The following SCUBE1 variants were observed in gnomAD, a reference collection of about 807,000 sequenced individuals.
SCUBE1 encodes signal peptide, CUB and EGF-like domain-containing protein 1.
A neutral mutation model predicts 124.4 loss-of-function variants in SCUBE1; 59 were observed. The observed-to-expected ratio is 0.47, with a 90% CI of 0.38 to 0.59. SCUBE1 has a LOEUF of 0.59. Among genes scored for constraint, SCUBE1 ranks in the 20% least tolerant of loss-of-function variants. The pLI, the probability that SCUBE1 is intolerant of heterozygous loss-of-function variation, is 0.00. For synonymous variants in SCUBE1, 545 were observed against 550.9 expected (o/e 0.99, Z 0.15); for missense variants, 1,150 against 1,371.2 (o/e 0.84, Z 2.55).
chr22:43,337,164 A>G (rs150492601), intron 2 of SCUBE1, among the ~76,000 whole-genome samples: 17 of 152,282 alleles, frequency 1.1e-4, no homozygotes, highest in African/African-American at 4.1e-4. Context: ...AGCAGGTGAG[A>G]ACATGAAGCC....
chr22:43,257,755 A>G (rs1459939190), intron 6 of SCUBE1, among the ~76,000 whole-genome samples: 1 of 152,202 alleles, frequency 6.6e-6, no homozygotes, highest in Non-Finnish European at 1.5e-5. Flanking sequence ...AGTTTTCCAG[A>G]CGGCTGTGGG....
intron 14 of SCUBE1, among the ~76,000 whole-genome samples, chr22:43,219,409 A>G (rs1921983565): frequency 1.3e-5 from 2 of 152,084 alleles, no homozygotes; most frequent in Admixed American, 6.5e-5. Flanking sequence ...GAGAGCCAAT[A>G]AGCTCTTTTC....
chr22:43,228,936 G>C, intron 9 of SCUBE1, 136 bp downstream of exon 9: 4 of 666,316 alleles, frequency 6.0e-6, no homozygotes, highest in Non-Finnish European at 2.7e-6. Flanking sequence ...CCTCTGCCCA[G>C]GAGTCCCCAT....
At chr22:43,240,540 G>A (rs1469569387) in intron 6 of SCUBE1, among the ~76,000 whole-genome samples, 9 of 152,242 alleles carry the variant, frequency 5.9e-5, no homozygotes, top group Admixed American at 5.9e-4. Flanking sequence ...TACTGGGACA[G>A]TGGAGGTGGG....
chr22:43,233,358 C>G (rs141647992), intron 7 of SCUBE1: 11 of 152,344 alleles, frequency 7.2e-5, no homozygotes, highest in African/African-American at 2.6e-4. Flanking sequence ...GAGTAAAACT[C>G]CATCTCAAAC....
intron 3 of SCUBE1, among the ~76,000 whole-genome samples, chr22:43,316,339 G>A (rs78340870): frequency 0.034 from 5,126 of 152,284 alleles, 216 homozygotes; most frequent in African/African-American, 0.098. Flanking sequence ...TGGCCGCTGG[G>A]TGATATTGCC....
At chr22:43,228,859 C>A (rs937490566) in intron 9 of SCUBE1, among the ~76,000 whole-genome samples, 1 of 152,264 alleles carries the variant, frequency 6.6e-6, no homozygotes, top group Non-Finnish European at 1.5e-5. Flanking sequence ...GACCTGCTAC[C>A]CACCTCTAAC....
intron 3 of SCUBE1, among the ~76,000 whole-genome samples, chr22:43,291,448 C>T (rs542270005): frequency 4.9e-4 from 74 of 151,660 alleles, no homozygotes; most frequent in African/African-American, 1.2e-3. Context: ...TATAGTGGTA[C>T]GGAGGGTCTC....
At chr22:43,251,048 G>T (rs955986784) in intron 6 of SCUBE1, among the ~76,000 whole-genome samples, 1 of 152,206 alleles carries the variant, frequency 6.6e-6, no homozygotes, top group Non-Finnish European at 1.5e-5. Context: ...GCCTCCCAGG[G>T]CTGTGGGGGA....
chr22:43,324,315 A>G (rs1926652951), intron 2 of SCUBE1, among the ~76,000 whole-genome samples: 2 of 152,342 alleles, frequency 1.3e-5, no homozygotes, highest in African/African-American at 4.8e-5. Flanking sequence ...CGTAGGCCAC[A>G]GTAATTGCCA....
chr22:43,228,526 G>A (rs142207718), intron 9 of SCUBE1, among the ~76,000 whole-genome samples: 26 of 152,322 alleles, frequency 1.7e-4, no homozygotes, highest in Non-Finnish European at 1.8e-4. Context: ...GGCTCACGCA[G>A]CCTGCATGGT....
intron 4 of SCUBE1, among the ~76,000 whole-genome samples, chr22:43,286,820 C>T (rs766513856): frequency 2.0e-5 from 3 of 152,228 alleles, no homozygotes; most frequent in Non-Finnish European, 4.4e-5. Flanking sequence ...AAGTGACCTG[C>T]ATTCACGTAG....
chr22:43,271,213 C>T (rs1054946496), intron 4 of SCUBE1, among the ~76,000 whole-genome samples: 5 of 152,190 alleles, frequency 3.3e-5, no homozygotes, highest in African/African-American at 1.2e-4. Context: ...CTCCCCTGCT[C>T]CCTCCTTGCT....
chr22:43,283,146 AG>A (rs2146741939), intron 4 of SCUBE1: 1 of 152,438 alleles, frequency 6.6e-6, no homozygotes, highest in East Asian at 1.9e-4. Context: ...TGGGGACCAC[AG>A]GTTGACCAGC....
At chr22:43,280,756 C>CCTTCCTCCTCGGCCACCCTCCTGTCAT (rs1569009823) in intron 4 of SCUBE1, among the ~76,000 whole-genome samples, 4 of 64,088 alleles carry the variant, frequency 6.2e-5, no homozygotes, top group Non-Finnish European at 1.2e-4. Context: ...CCTCCTGTCA[C>CCTTCCTCCTCGGCCACCCTCCTGTCAT]CTCCCTCATT....
chr22:43,306,855 G>A (rs1214961355), intron 3 of SCUBE1, among the ~76,000 whole-genome samples: 2 of 152,196 alleles, frequency 1.3e-5, no homozygotes, highest in Admixed American at 1.3e-4. Context: ...AAGGAGCCAG[G>A]CACGGAGAAG....
rs1193643288 is a variant in SCUBE1, at chr22:43,201,358, CAAA to C, written c.*2636_*2638del. On this transcript the variant is annotated 3_prime_UTR_variant, in exon 22 of 22. Coordinates refer to ENST00000360835, the MANE Select transcript of SCUBE1 (RefSeq NM_173050.5). The stretch of plus-strand genomic sequence containing the variant: ...CAAAAAAAGAAAACAAAAAACAAAA[CAAA>C]AAAAACAAAACAAAAACATTTAAGT... 1 of 93,450 alleles carries C rather than the reference CAAA, an allele frequency of 1.1e-5. No individual in the cohort carries two copies. Among genetic ancestry groups the C allele is most frequent in the African/African-American group, 3.7e-5 (1 of 27,380 alleles). The allele number at this position is 93,450 out of a possible 1,614,324, so 5.8% of individuals were successfully genotyped here. A position where few individuals can be genotyped will look rare whatever the true frequency, so the allele number is the denominator to read the frequency against.
intron 7 of SCUBE1, 113 bp downstream of exon 7, chr22:43,238,725 C>A: frequency 1.2e-6 from 1 of 861,798 alleles, no homozygotes; most frequent in Admixed American, 1.7e-5. Flanking sequence ...TCCTTTCCCA[C>A]AGCTACACGT....
In SCUBE1 at chr22:43,210,332, A is replaced by C. The variant is rs1921489689; in HGVS notation, c.2384-92T>G. 1 of 1,104,682 alleles carries C rather than the reference A, an allele frequency of 9.1e-7. No homozygotes were observed. Among genetic ancestry groups the C allele is most frequent in the Non-Finnish European group, 1.2e-6 (1 of 808,828 alleles). The allele number at this position is 1,104,682 out of a possible 1,614,324, so 68.4% of individuals were successfully genotyped here. A position where few individuals can be genotyped will look rare whatever the true frequency, so the allele number is the denominator to read the frequency against. ...TCTAACCACCTGGGAGGCCTAGGGC[A>C]GGGCTGGAAGGTGCTCTTGTCCCCC... On this transcript the variant is annotated intron_variant, in intron 18 of 21. Transcript: ENST00000360835. This position sits in a 1 kb window ranked among gnomAD's most constrained non-coding sequence, Gnocchi z 4.5.
Sources: allele counts gnomAD v4.1 joint callset (sites outside exome capture counted in the v4.1 genomes callset), GRCh38; gene constraint gnomAD v4.1.1; non-coding constraint Gnocchi (gnomAD v3.1); transcripts MANE v1.5; gene names NCBI Gene and HGNC (gene_info 2026-07-23, HGNC 2026-07-21).